TBCK: variants seen among roughly 807,000 people sequenced by gnomAD.
TBCK encodes the protein TBC1 domain containing kinase, also known as TBC domain-containing protein kinase-like protein.
A neutral mutation model predicts 113.4 loss-of-function variants in TBCK; 99 were observed. The observed-to-expected ratio is 0.87, with a 90% CI of 0.74 to 1.03. TBCK has a LOEUF of 1.03. Among genes scored for constraint, TBCK ranks in the 50% least tolerant of loss-of-function variants. TBCK has a pLI of 0.00. For missense variants in TBCK, 1,045 were observed against 1,061.3 expected, an observed-to-expected ratio of 0.98 and a Z score of 0.21; for synonymous variants, 369 against 370.8, an observed-to-expected ratio of 1.00 and a Z score of 0.05.
chr4:106,053,066 GCTCATAA>G (rs1734978657), intron 25 of TBCK, among the ~76,000 whole-genome samples: 1 of 151,544 alleles, frequency 6.6e-6, no homozygotes, highest in South Asian at 2.1e-4. Context: ...TTTTGAATTA[GCTCATAA>G]CTCATAAACG....
intron 22 of TBCK, among the ~76,000 whole-genome samples, chr4:106,185,932 T>C (rs1348008071): frequency 6.6e-6 from 1 of 152,142 alleles, no homozygotes; most frequent in Non-Finnish European, 1.5e-5. Context: ...CTTCGTTGTG[T>C]CCATGTGCAC....
intron 2 of TBCK, among the ~76,000 whole-genome samples, chr4:106,304,921 C>G (rs1767345456): frequency 6.6e-6 from 1 of 152,148 alleles, no homozygotes; most frequent in Admixed American, 6.5e-5. Flanking sequence ...TCTCAAATCC[C>G]AAACCCCTCT....
intron 5 of TBCK, among the ~76,000 whole-genome samples, chr4:106,259,395 A>T (rs1368154028): frequency 6.6e-6 from 1 of 151,928 alleles, no homozygotes; most frequent in Admixed American, 6.6e-5. Flanking sequence ...ACACAAATGG[A>T]TACTATCAAA....
intron 25 of TBCK, among the ~76,000 whole-genome samples, chr4:106,050,736 A>G (rs1169836181): frequency 1.3e-5 from 2 of 152,032 alleles, no homozygotes; most frequent in Admixed American, 1.3e-4. Context: ...AAATTGCACA[A>G]CTAGCTGAGA....
intron 7 of TBCK, 56 bp downstream of exon 7, chr4:106,250,362 T>C: frequency 1.7e-6 from 2 of 1,170,642 alleles, no homozygotes; most frequent in Non-Finnish European, 1.2e-6. Flanking sequence ...ATGTGCATGA[T>C]TACTAATAGT....
intron 23 of TBCK, among the ~76,000 whole-genome samples, chr4:106,165,081 TGTAA>T (rs1579097715): frequency 6.6e-6 from 1 of 151,778 alleles, no homozygotes; most frequent in African/African-American, 2.4e-5. Context: ...ACATACTGCA[TGTAA>T]GTAATACCAG....
intron 1 of TBCK, among the ~76,000 whole-genome samples, chr4:106,313,117 A>C (rs752044337): frequency 5.3e-5 from 8 of 152,260 alleles, no homozygotes; most frequent in Non-Finnish European, 8.8e-5. Context: ...TTATGAGAAG[A>C]TAAACACTGC....
In TBCK at chr4:106,046,386, T is replaced by C. The variant is rs1734216994; in HGVS notation, c.*184A>G. The C allele has an allele frequency of 2.2e-6, 1 of 460,306 alleles. No individual in the cohort carries two copies. The highest frequency in any genetic ancestry group is 3.9e-6 in the Non-Finnish European group (1 of 259,488). 28.5% of individuals were successfully genotyped at this position (460,306 alleles called of 1,614,324 possible). A position where few individuals can be genotyped will look rare whatever the true frequency, so the allele number is the denominator to read the frequency against. On this transcript the variant is annotated 3_prime_UTR_variant, in exon 26 of 26. Transcript: ENST00000394708. ...AATTCTTTCAGCAATACATGTAGAG[T>C]CAAGTTTCTTGCATGGATAACTGAA...
chr4:106,135,940 T>C (rs1746502886), intron 23 of TBCK, among the ~76,000 whole-genome samples: 1 of 141,454 alleles, frequency 7.1e-6, no homozygotes, highest in African/African-American at 2.5e-5. Context: ...AGATATGTAC[T>C]GCAGGATTTT....
At chr4:106,233,333 T>A (rs1322800255) in intron 16 of TBCK, among the ~76,000 whole-genome samples, 1 of 152,074 alleles carries the variant, frequency 6.6e-6, no homozygotes. Flanking sequence ...TTTTCCTTTA[T>A]AATCTGGTCC....
chr4:106,228,877 C>T (rs1309777389), intron 19 of TBCK, among the ~76,000 whole-genome samples: 4 of 152,028 alleles, frequency 2.6e-5, no homozygotes, highest in Admixed American at 6.6e-5. Context: ...CATGAGGGTT[C>T]CTTTTTCTCT....
chr4:106,129,063 G>C (rs1578992774), intron 23 of TBCK, among the ~76,000 whole-genome samples: 1 of 152,090 alleles, frequency 6.6e-6, no homozygotes, highest in African/African-American at 2.4e-5. Context: ...ATAGTACTGG[G>C]ATAACTTGTT....
At chr4:106,293,507 G>A (rs955556192) in intron 3 of TBCK, among the ~76,000 whole-genome samples, 7 of 152,032 alleles carry the variant, frequency 4.6e-5, no homozygotes, top group African/African-American at 1.5e-4. Flanking sequence ...AATGTAATGC[G>A]CTTGTATCAT....
At chr4:106,057,359 A>G (rs1487679824) in intron 25 of TBCK, among the ~76,000 whole-genome samples, 1 of 151,808 alleles carries the variant, frequency 6.6e-6, no homozygotes, top group East Asian at 1.9e-4. Flanking sequence ...AGATGCTTAA[A>G]TTTTGGCAAA....
chr4:106,194,208 T>C (rs1753962345), intron 21 of TBCK, among the ~76,000 whole-genome samples: 2 of 152,084 alleles, frequency 1.3e-5, no homozygotes, highest in Non-Finnish European at 2.9e-5. Flanking sequence ...ATACTATGTA[T>C]ATCTTCCAGG....
At chr4:106,266,246 A>T (rs1762981463) in intron 3 of TBCK, among the ~76,000 whole-genome samples, 1 of 151,804 alleles carries the variant, frequency 6.6e-6, no homozygotes, top group Non-Finnish European at 1.5e-5. Flanking sequence ...ATTCCCTGAG[A>T]TTAGCAAAAT....
intron 25 of TBCK, among the ~76,000 whole-genome samples, chr4:106,064,082 TACC>T (rs1241628273): frequency 6.6e-6 from 1 of 151,892 alleles, no homozygotes; most frequent in East Asian, 1.9e-4. Flanking sequence ...AGCCTCATAT[TACC>T]ACAACACAAA....
At chr4:106,139,265 C>T (rs1308428251) in intron 23 of TBCK, among the ~76,000 whole-genome samples, 1 of 141,404 alleles carries the variant, frequency 7.1e-6, no homozygotes, top group African/African-American at 2.5e-5. Flanking sequence ...ATTCTCACTG[C>T]TGTGCCAAAT....
chr4:106,274,566 C>T (rs1160130286), intron 3 of TBCK, among the ~76,000 whole-genome samples: 2 of 152,094 alleles, frequency 1.3e-5, no homozygotes, highest in Non-Finnish European at 2.9e-5. Context: ...GTGAAAGAAG[C>T]TAAGCACAAA....
Sources: allele counts gnomAD v4.1 joint callset (sites outside exome capture counted in the v4.1 genomes callset), GRCh38; gene constraint gnomAD v4.1.1; transcripts MANE v1.5; gene names NCBI Gene and HGNC (gene_info 2026-07-23, HGNC 2026-07-21).